GLCCI1: variants seen among roughly 807,000 people sequenced by gnomAD.
The protein encoded by GLCCI1 is glucocorticoid induced 1.
A neutral mutation model predicts 52.2 loss-of-function variants in GLCCI1; 24 were observed. That is an observed-to-expected ratio of 0.46 (90% confidence interval 0.33 to 0.65). The LOEUF (loss-of-function observed/expected upper bound fraction) is 0.65. Among genes scored for constraint, GLCCI1 ranks in the 30% least tolerant of loss-of-function variants. The probability of loss-of-function intolerance (pLI) is 0.02; values close to 1 mark genes in which losing one functional copy is unlikely to be tolerated. For synonymous variants in GLCCI1, 310 were observed against 276.5 expected, an observed-to-expected ratio of 1.12 and a Z score of -1.20; for missense variants, 704 against 701.5, an observed-to-expected ratio of 1.00 and a Z score of -0.04.
intron 5 of GLCCI1, among the ~76,000 whole-genome samples, chr7:8,068,057 TAAA>T (rs34523186): frequency 1.3e-5 from 2 of 152,072 alleles, no homozygotes; most frequent in African/African-American, 4.8e-5. Context: ...TTATTCTTTT[TAAA>T]AAAAATTTTG....
chr7:8,028,752 T>G (rs4725055), intron 3 of GLCCI1, among the ~76,000 whole-genome samples: 1 of 151,766 alleles, frequency 6.6e-6, no homozygotes, highest in Non-Finnish European at 1.5e-5. Flanking sequence ...CCAAATAAAT[T>G]AGAGGTGAAA....
Position 8,086,041 on chromosome 7 carries a change from G to C in GLCCI1, c.1299-152G>C, listed in dbSNP as rs1248582631. On this transcript the variant is annotated intron_variant, in intron 7 of 7. Coordinates refer to ENST00000223145, the MANE Select transcript of GLCCI1 (RefSeq NM_138426.4). The surrounding 1 kb of genome is among the most constrained non-coding windows in gnomAD (Gnocchi z 4.4). Reference sequence around the variant, plus strand: ...GCATGAATAGTCTGCCAGCTGACTTGTGCTATGGAAGATGTTTACCCCTCT... The same window carrying C: ...GCATGAATAGTCTGCCAGCTGACTTCTGCTATGGAAGATGTTTACCCCTCT... The C allele has an allele frequency of 4.7e-6, 3 of 640,156 alleles. No individual in the cohort carries two copies. In the East Asian group the frequency reaches 8.0e-5, roughly 17 times the overall value. The allele number at this position is 640,156 out of a possible 1,614,324, so 39.7% of individuals were successfully genotyped here. A position where few individuals can be genotyped will look rare whatever the true frequency, so the allele number is the denominator to read the frequency against.
chr7:7,985,932 C>G (rs763206921), intron 1 of GLCCI1, among the ~76,000 whole-genome samples: 1 of 152,156 alleles, frequency 6.6e-6, no homozygotes, highest in Non-Finnish European at 1.5e-5. Context: ...AGTATAATTA[C>G]TGCATTTCTA....
At chr7:8,009,416 T>C (rs1246845627) in intron 2 of GLCCI1, among the ~76,000 whole-genome samples, 1 of 152,186 alleles carries the variant, frequency 6.6e-6, no homozygotes, top group African/African-American at 2.4e-5. Context: ...ATAAAAATAA[T>C]ATATACAGCA....
At chr7:8,048,212 C>G (rs1782177702) in intron 3 of GLCCI1, among the ~76,000 whole-genome samples, 2 of 152,134 alleles carry the variant, frequency 1.3e-5, no homozygotes, top group South Asian at 2.1e-4. Flanking sequence ...TTCTGCACAT[C>G]TCTTACCTAC....
chr7:8,035,402 C>T (rs1048939670), intron 3 of GLCCI1, among the ~76,000 whole-genome samples: 4 of 152,180 alleles, frequency 2.6e-5, no homozygotes, highest in Non-Finnish European at 1.5e-5. Flanking sequence ...TCCACTGCTG[C>T]GAACACAGCC....
At chr7:8,043,765 A>G (rs573129365) in intron 3 of GLCCI1, among the ~76,000 whole-genome samples, 6 of 152,324 alleles carry the variant, frequency 3.9e-5, no homozygotes, top group African/African-American at 1.4e-4. Flanking sequence ...AATAGGTATA[A>G]AAGACTAATG....
intron 1 of GLCCI1, among the ~76,000 whole-genome samples, chr7:8,003,555 A>C (rs1470976871): frequency 1.3e-5 from 2 of 152,186 alleles, no homozygotes; most frequent in Non-Finnish European, 2.9e-5. Flanking sequence ...ACACTGTAAA[A>C]TTTAGTTGAA....
chr7:7,997,919 T>A (rs201629103), intron 1 of GLCCI1, among the ~76,000 whole-genome samples: 4 of 140,346 alleles, frequency 2.9e-5, no homozygotes, highest in Non-Finnish European at 4.6e-5. Context: ...AGAGTGAGAC[T>A]CTGTCTCAAA....
chr7:7,984,039 G>C (rs552091428), intron 1 of GLCCI1, among the ~76,000 whole-genome samples: 1 of 152,068 alleles, frequency 6.6e-6, no homozygotes, highest in African/African-American at 2.4e-5. Flanking sequence ...ATTTAGTGAG[G>C]CTCCATGGAC....
chr7:7,977,989 TA>T (rs1780530164), intron 1 of GLCCI1, among the ~76,000 whole-genome samples: 1 of 152,124 alleles, frequency 6.6e-6, no homozygotes, highest in South Asian at 2.1e-4. Flanking sequence ...CTTATACAGT[TA>T]AGTCATAGAA....
intron 5 of GLCCI1, among the ~76,000 whole-genome samples, chr7:8,066,280 TC>T (rs1782629646): frequency 6.6e-6 from 1 of 152,154 alleles, no homozygotes; most frequent in Non-Finnish European, 1.5e-5. Context: ...TTTATTTGGA[TC>T]TTTTTTTCTT....
At chr7:7,973,406 T>TTGTGTGTGTGTG (rs1190596785) in intron 1 of GLCCI1, among the ~76,000 whole-genome samples, 26 of 83,886 alleles carry the variant, frequency 3.1e-4, no homozygotes, top group Non-Finnish European at 5.4e-5. Context: ...ATGCAAATCT[T>TTGTGTGTGTGTG]TGTGTGCGTG....
At chr7:8,044,411 C>G (rs1048426523) in intron 3 of GLCCI1, among the ~76,000 whole-genome samples, 11 of 151,300 alleles carry the variant, frequency 7.3e-5, no homozygotes, top group African/African-American at 2.4e-4. Context: ...GCCCTGTCAC[C>G]AGGCTGGAGT....
intron 1 of GLCCI1, among the ~76,000 whole-genome samples, chr7:7,989,668 C>A (rs900970995): frequency 2.6e-5 from 4 of 152,048 alleles, no homozygotes; most frequent in African/African-American, 9.7e-5. Context: ...GCTAAGGAGA[C>A]CACTTGTGAT....
At chr7:8,029,968 A>G (rs1244268018) in intron 3 of GLCCI1, among the ~76,000 whole-genome samples, 1 of 152,194 alleles carries the variant, frequency 6.6e-6, no homozygotes, top group Non-Finnish European at 1.5e-5. Flanking sequence ...TAAAATGTCT[A>G]TTCTACCCAA....
chr7:7,999,778 C>A (rs1389111825), intron 1 of GLCCI1, among the ~76,000 whole-genome samples: 1 of 152,064 alleles, frequency 6.6e-6, no homozygotes, highest in Admixed American at 6.6e-5. Flanking sequence ...TGATGCACAC[C>A]TGTGGTCCCA....
chr7:8,019,537 T>G (rs1456357805), intron 2 of GLCCI1, among the ~76,000 whole-genome samples: 1 of 152,168 alleles, frequency 6.6e-6, no homozygotes, highest in Non-Finnish European at 1.5e-5. Context: ...TCGTTTTTCT[T>G]TTTTTTAAAC....
intron 3 of GLCCI1, among the ~76,000 whole-genome samples, chr7:8,033,196 T>C (rs1781793986): frequency 6.6e-6 from 1 of 151,422 alleles, no homozygotes; most frequent in Non-Finnish European, 1.5e-5. Context: ...TTGACAATAT[T>C]CAACAGTCAT....
Sources: gnomAD v4.1 joint callset for allele counts (sites outside exome capture counted in the v4.1 genomes callset) on GRCh38, gnomAD v4.1.1 for gene constraint, Gnocchi (gnomAD v3.1) non-coding constraint, MANE v1.5 for transcripts, NCBI Gene and HGNC (gene_info 2026-07-23, HGNC 2026-07-21) for gene names.